CAPN3: variants seen among roughly 807,000 people sequenced by gnomAD.
CAPN3 encodes calpain 3.
CAPN3 carries 88 observed loss-of-function variants against 114.0 expected under a neutral mutation model. The ratio of observed to expected loss-of-function variants is 0.77; its 90% CI spans 0.65 to 0.92. The LOEUF is 0.92. Among genes scored for constraint, CAPN3 ranks in the 40% least tolerant of loss-of-function variants. The pLI is 0.00. For missense variants in CAPN3, 1,028 were observed against 1,069.0 expected, an observed-to-expected ratio of 0.96 and a Z score of 0.53; for synonymous variants, 386 against 382.9, an observed-to-expected ratio of 1.01 and a Z score of -0.09.
At chr15:42,393,988 A>G (rs956648657) in intron 7 of CAPN3, among the ~76,000 whole-genome samples, 7 of 152,112 alleles carry the variant, frequency 4.6e-5, no homozygotes, top group African/African-American at 1.7e-4. Context: ...CCCGAAGCTC[A>G]TAACGGCAGG....
chr15:42,389,972 A>G lies in CAPN3; in HGVS notation c.821A>G (p.Tyr274Cys), dbSNP rs138914944. 1.8e-5 allele frequency: 29 copies of G among 1,613,958 alleles called. No individual in the cohort carries two copies. Among genetic ancestry groups the G allele is most frequent in the Middle Eastern group, 1.7e-4 (1 of 6,060 alleles). ...CSIDDGTNMT[Y>C]GTSPSGLNMG... ...CCTCAGGATGGCACGAACATGACCTATGGAACCTCTCCTTCTGGTCTGAAC... is the reference window on the plus strand; with the variant it reads ...CCTCAGGATGGCACGAACATGACCTGTGGAACCTCTCCTTCTGGTCTGAAC... Residue 274 changes from tyrosine (Y) to cysteine (C), a missense_variant, in exon 6 of 24, where the codon TAT (tyrosine) becomes TGT (cysteine). Transcript: ENST00000397163.
At chr15:42,385,531 C>CAGAGAGAGAG (rs751078121) in intron 2 of CAPN3, 2 of 359,546 alleles carry the variant, frequency 5.6e-6, no homozygotes, top group South Asian at 4.2e-5. Context: ...TATACACACA[C>CAGAGAGAGAG]AGAGAGAGAG....
At chr15:42,382,836 T>C (rs12438369) in intron 1 of CAPN3, among the ~76,000 whole-genome samples, 25,065 of 152,240 alleles carry the variant, frequency 0.16, 2,247 homozygotes, top group South Asian at 0.26. Context: ...TGTGAATGGT[T>C]ATGCAGTTAG....
In CAPN3 at chr15:42,409,796, A is replaced by G; in HGVS notation, c.2002A>G (p.Ile668Val). The change falls in exon 18 of 24, where the codon ATC (isoleucine) becomes GTC (valine). Residue 668 changes from isoleucine (I) to valine (V), a missense_variant. Transcript: ENST00000397163. ...CTCCCTTCCTCCTCAGGACATGGAGATCTGTGCAGATGAGCTCAAGAAGGT... is the reference window on the plus strand; with the variant it reads ...CTCCCTTCCTCCTCAGGACATGGAGGTCTGTGCAGATGAGCTCAAGAAGGT... Reference protein sequence around the residue: ...FKQIAGDDMEICADELKKVLN... With the variant: ...FKQIAGDDMEVCADELKKVLN... 6.4e-7 allele frequency: 1 copy of G among 1,569,308 alleles called. No individual in the cohort carries two copies. The highest frequency in any genetic ancestry group is 8.6e-7 in the Non-Finnish European group (1 of 1,157,284).
intron 14 of CAPN3, chr15:42,404,869 T>C: frequency 9.5e-7 from 1 of 1,052,276 alleles, no homozygotes; most frequent in Non-Finnish European, 1.1e-6. Flanking sequence ...TGTGGGGATC[T>C]GTTCTGGTCA....
intron 1 of CAPN3, among the ~76,000 whole-genome samples, chr15:42,370,895 A>G (rs538635640): frequency 1.3e-5 from 2 of 152,246 alleles, no homozygotes; most frequent in Non-Finnish European, 2.9e-5. Flanking sequence ...ATCAGAGCAC[A>G]TAACATCAGA....
At chr15:42,403,972 C>G (rs1260851319) in intron 14 of CAPN3, 195 bp downstream of exon 14, 1 of 673,716 alleles carries the variant, frequency 1.5e-6, no homozygotes, top group Non-Finnish European at 2.7e-6. Context: ...CACCGGGGGC[C>G]ATTGAGGCAG....
At chr15:42,380,750 TA>T (rs1458649310) in intron 1 of CAPN3, among the ~76,000 whole-genome samples, 2,709 of 53,942 alleles carry the variant, frequency 0.05, 23 homozygotes, top group South Asian at 0.11. Context: ...TATATATATA[TA>T]TTTTTTTTTT....
chr15:42,382,742 T>C (rs1233432378), intron 1 of CAPN3, among the ~76,000 whole-genome samples: 2 of 152,212 alleles, frequency 1.3e-5, no homozygotes, highest in Non-Finnish European at 2.9e-5. Context: ...CTTTATGGTT[T>C]TGGTTTTTGT....
At position 42,409,802 on chromosome 15, in the gene CAPN3, G is replaced by A. The variant is rs2054148651; in HGVS notation, c.2008G>A (p.Ala670Thr). 1 of 1,571,154 alleles carries A rather than the reference G, an allele frequency of 6.4e-7. No individual in the cohort carries two copies. Among genetic ancestry groups the A allele is most frequent in the Non-Finnish European group, 8.7e-7 (1 of 1,155,232 alleles). The change falls in exon 18 of 24, where the codon GCA becomes ACA. Residue 670 changes from alanine (A) to threonine (T), a missense_variant. Transcript: ENST00000397163. ...QIAGDDMEIC[A>T]DELKKVLNTV... ...TCCTCCTCAGGACATGGAGATCTGT[G>A]CAGATGAGCTCAAGAAGGTCCTTAA...
intron 1 of CAPN3, among the ~76,000 whole-genome samples, chr15:42,377,116 TAAAG>T (rs764576015): frequency 5.3e-5 from 8 of 151,564 alleles, no homozygotes; most frequent in East Asian, 3.8e-4. Flanking sequence ...CATCTGTAAA[TAAAG>T]ATAGTTTTTT....
rs193191737 is a variant in CAPN3 at position 42,404,286 on chromosome 15, A to C, written c.1782+509A>C. ...CCTTGCAAGGCTTTTGTGAGGCTTC[A>C]TCAATGAGGTGATGTATGTGAAGTG... On this transcript the variant is annotated intron_variant, in intron 14 of 23. Transcript: ENST00000397163. 88 of 456,580 alleles carry C rather than the reference A, an allele frequency of 1.9e-4. 1 individual carries two copies. The East Asian group carries it at 5.6e-3, about 29-fold the overall frequency. The allele number at this position is 456,580 out of a possible 1,614,324, so 28.3% of individuals were successfully genotyped here.
chr15:42,380,747 A>ATTTT (rs1463608972), intron 1 of CAPN3, among the ~76,000 whole-genome samples: 18 of 58,516 alleles, frequency 3.1e-4, no homozygotes, highest in African/African-American at 1.2e-3. Context: ...ATATATATAT[A>ATTTT]TATATTTTTT....
chr15:42,380,880 G>A (rs1164795582), intron 1 of CAPN3, among the ~76,000 whole-genome samples: 2 of 149,402 alleles, frequency 1.3e-5, no homozygotes, highest in South Asian at 2.1e-4. Flanking sequence ...TGTGAACCAC[G>A]GCACCCGGCC....
chr15:42,390,125 A>C (rs1309446537), intron 6 of CAPN3, 29 bp downstream of exon 6: 5 of 1,613,580 alleles, frequency 3.1e-6, no homozygotes, highest in Non-Finnish European at 4.2e-6. Flanking sequence ...ATCAGAACTG[A>C]CCATCCCTCC....
At chr15:42,371,818 G>T (rs1447261316) in intron 1 of CAPN3, among the ~76,000 whole-genome samples, 1 of 152,046 alleles carries the variant, frequency 6.6e-6, no homozygotes, top group Admixed American at 6.6e-5. Context: ...ACAAAAATTA[G>T]CTGGACATAG....
In CAPN3 at chr15:42,411,894, C is replaced by T. The variant is rs2054263106; in HGVS notation, c.*121C>T. 1 of 1,586,778 alleles carries T rather than the reference C, an allele frequency of 6.3e-7. No individual in the cohort carries two copies. The highest frequency in any genetic ancestry group is 8.6e-7 in the Non-Finnish European group (1 of 1,166,040). ...TACACCCCTACAGGCTTCCAGGCAC[C>T]TCATCAGTCATGCTCCTCCTCCATT... On this transcript the variant is annotated 3_prime_UTR_variant, in exon 24 of 24. Transcript: ENST00000397163.
chr15:42,361,366 G>C (rs1178825827), intron 1 of CAPN3, among the ~76,000 whole-genome samples: 1 of 152,136 alleles, frequency 6.6e-6, no homozygotes, highest in Non-Finnish European at 1.5e-5. Context: ...TAGCTACTCA[G>C]AGGCTGAGGT....
rs764619360 is a variant in CAPN3, at chr15:42,384,589, T to A, written c.379+37T>A. 2.8e-6 allele frequency: 4 copies of A among 1,436,540 alleles called. No individual in the cohort carries two copies. The Admixed American group carries it at 6.7e-5, about 24-fold the overall frequency. 89.0% of individuals were successfully genotyped at this position (1,436,540 alleles called of 1,614,324 possible). On this transcript the variant is annotated intron_variant, in intron 2 of 23. Transcript: ENST00000397163. ...CCTCAGGTCAGATCCTGCCAGATGA[T>A]CAAGGGGTGATTACAAGGTGTGATC...
Sources: allele counts gnomAD v4.1 joint callset (sites outside exome capture counted in the v4.1 genomes callset), GRCh38; gene constraint gnomAD v4.1.1; transcripts MANE v1.5; gene names NCBI Gene and HGNC (gene_info 2026-07-23, HGNC 2026-07-21).